The following TUBD1 variants were observed in gnomAD, a reference collection of about 807,000 sequenced individuals.
TUBD1 encodes the protein tubulin delta 1, also known as tubulin delta chain.
A neutral mutation model predicts 51.2 loss-of-function variants in TUBD1; 38 were observed. That is an observed-to-expected ratio of 0.74 (90% CI 0.57 to 0.97). The LOEUF (loss-of-function observed/expected upper bound fraction) is 0.97, where lower values mean the gene tolerates loss of function less well. Among genes scored for constraint, TUBD1 ranks in the 50% least tolerant of loss-of-function variants. The pLI is 0.00. For synonymous variants in TUBD1, 169 were observed against 178.2 expected (o/e 0.95, Z 0.41); for missense variants, 489 against 538.4 (o/e 0.91, Z 0.91).
intron 4 of TUBD1, among the ~76,000 whole-genome samples, 168 bp downstream of exon 4, chr17:59,880,726 G>A (rs2040446117): frequency 6.6e-6 from 1 of 151,834 alleles, no homozygotes. Flanking sequence ...ATGTTAGCCG[G>A]GATGGTCTCG....
At chr17:59,873,740 C>G (rs945099160) in intron 6 of TUBD1, among the ~76,000 whole-genome samples, 1 of 152,110 alleles carries the variant, frequency 6.6e-6, no homozygotes, top group Non-Finnish European at 1.5e-5. Context: ...TAGCACACGC[C>G]TGTAATCCCA....
At chr17:59,869,165 T>C (rs2039860258) in intron 6 of TUBD1, among the ~76,000 whole-genome samples, 1 of 151,862 alleles carries the variant, frequency 6.6e-6, no homozygotes, top group Non-Finnish European at 1.5e-5. Flanking sequence ...ATGTTCAAAC[T>C]ATACAACTGT....
chr17:59,878,014 T>C (rs1456385058), intron 5 of TUBD1, 89 bp downstream of exon 5: 2 of 1,007,942 alleles, frequency 2.0e-6, no homozygotes, highest in Non-Finnish European at 2.9e-6. Context: ...TAAGTGTATC[T>C]TCAGGCAGAG....
At chr17:59,862,783 G>T (rs1370064889) in intron 8 of TUBD1, among the ~76,000 whole-genome samples, 1 of 141,384 alleles carries the variant, frequency 7.1e-6, no homozygotes, top group Non-Finnish European at 1.5e-5. Context: ...GGAGTGCAGT[G>T]GCGCGATCTC....
At chr17:59,883,598 G>A (rs1243638228) in intron 3 of TUBD1, among the ~76,000 whole-genome samples, 1 of 151,920 alleles carries the variant, frequency 6.6e-6, no homozygotes, top group African/African-American at 2.4e-5. Flanking sequence ...TAGAGATGGG[G>A]TTTCATCATG....
Position 59,892,657 on chromosome 17 carries a change from C to T in TUBD1, c.-40+40G>A, listed in dbSNP as rs533594166. On this transcript the variant is annotated intron_variant, in intron 1 of 8. Transcript: ENST00000325752. ...GCAAAGCCAAAAGGTCCCCCGTTCC[C>T]CACGGGCCCCAGGAGTTCTCCACAC... 4.6e-3 allele frequency: 702 copies of T among 153,922 alleles called. 14 individuals are homozygous for T. The highest frequency in any genetic ancestry group is 0.044 in the South Asian group (230 of 5,202). The allele number at this position is 153,922 out of a possible 1,614,324, so 9.5% of individuals were successfully genotyped here.
rs1291162013 is a variant in TUBD1 at position 59,892,859 on chromosome 17, T to G, written c.-202A>C. On this transcript the variant is annotated 5_prime_UTR_variant, in exon 1 of 9. An upstream open reading frame in the 5' UTR loses its in-frame stop. Transcript: ENST00000325752. ...TATATTTTTTCCTATTCAGAAAGAT[T>G]AATTACGCATGTTCAATTTCAATTT... 6.5e-6 allele frequency: 2 copies of G among 308,982 alleles called. No individual in the cohort carries two copies. The highest frequency in any genetic ancestry group is 4.2e-5 in the African/African-American group (2 of 47,942). 19.1% of individuals were successfully genotyped at this position (308,982 alleles called of 1,614,324 possible).
chr17:59,890,400 C>T (rs943196448), intron 2 of TUBD1, among the ~76,000 whole-genome samples: 6 of 152,100 alleles, frequency 3.9e-5, no homozygotes, highest in South Asian at 2.1e-4. Flanking sequence ...CATGCCACCA[C>T]GCCCAGCTAA....
At position 59,891,019 on chromosome 17, in the gene TUBD1, G is replaced by A. The variant is rs1254013761; in HGVS notation, c.-17C>T. The stretch of plus-strand genomic sequence containing the variant: ...AATTGACATGCTGAGCCACAAACTA[G>A]GTGTATTACCTCTAAAAACAACCTG... On this transcript the variant is annotated 5_prime_UTR_variant, in exon 2 of 9. Coordinates refer to ENST00000325752, the MANE Select transcript of TUBD1 (RefSeq NM_016261.4). The A allele has an allele frequency of 1.2e-6, 2 of 1,601,642 alleles. No homozygotes were observed. The highest frequency in any genetic ancestry group is 2.7e-5 in the African/African-American group (2 of 74,460).
intron 8 of TUBD1, among the ~76,000 whole-genome samples, chr17:59,861,867 C>T (rs950679306): frequency 4.6e-5 from 7 of 151,402 alleles, no homozygotes; most frequent in Non-Finnish European, 1.0e-4. Context: ...GGGGTTTCAC[C>T]ATGTTGGCCA....
Position 59,880,915 on chromosome 17 carries a change from A to C in TUBD1, c.516T>G (p.Ile172Met), listed in dbSNP as rs199747050. 6.2e-7 allele frequency: 1 copy of C among 1,614,148 alleles called. No individual in the cohort carries two copies. The highest frequency in any genetic ancestry group is 2.2e-5 in the East Asian group (1 of 44,876). The change falls in exon 4 of 9, where the codon ATT becomes ATG. Residue 172 changes from isoleucine to methionine, a missense_variant. By Grantham distance (10) the Ile-to-Met change is conservative. Coordinates refer to ENST00000325752, the MANE Select transcript of TUBD1 (RefSeq NM_016261.4). ...ATACCTCACCAGTTCCATAAGGCCA[A>C]ATAATCTGATTCATTTTCAATGAGT... ...YSNSLKMNQI[I>M]WPYGTGEVIV...
intron 4 of TUBD1, chr17:59,878,624 C>A: frequency 3.5e-6 from 1 of 286,328 alleles, no homozygotes; most frequent in African/African-American, 2.2e-5. Flanking sequence ...GAATTACAGG[C>A]TTGTGCCACC....
chr17:59,870,372 CAAAAAAAAAAA>C (rs530315478), intron 6 of TUBD1, among the ~76,000 whole-genome samples: 16 of 77,962 alleles, frequency 2.1e-4, no homozygotes, highest in Admixed American at 7.7e-4. Context: ...CTCCATCTCA[CAAAAAAAAAAA>C]AAAAAAAAAA....
In TUBD1 at chr17:59,866,629, T is replaced by G; in HGVS notation, c.1055A>C (p.Asp352Ala). 6.2e-7 allele frequency: 1 copy of G among 1,614,000 alleles called. No individual in the cohort carries two copies. Among genetic ancestry groups the G allele is most frequent in the Non-Finnish European group, 8.5e-7 (1 of 1,179,990 alleles). The change falls in exon 7 of 9, where the codon GAT becomes GCT. Residue 352 changes from aspartate (D) to alanine (A), a missense_variant. By Grantham distance (126) the Asp-to-Ala change is moderately radical. Transcript: ENST00000325752. ...CTTACCCACATCTGCACTTTGCACA[T>G]CTTTCCCACGAAGAATGACCAAGTT... ...IANLVILRGK[D>A]VQSADVEGFK...
rs1256582700 is a variant in TUBD1, at chr17:59,868,993, C to T, written c.935-2244G>A. ...GATTGCGCCACTGCACTCCAGCCTACGTGACAGAGTGAAACCCCATCTCAA... is the reference window on the plus strand; with the variant it reads ...GATTGCGCCACTGCACTCCAGCCTATGTGACAGAGTGAAACCCCATCTCAA... On this transcript the variant is annotated intron_variant, in intron 6 of 8. Transcript: ENST00000325752. Among the ~76,000 whole-genome samples the T allele has an allele frequency of 3.3e-5, 5 of 150,310 alleles. 1 individual carries two copies. The highest frequency in any genetic ancestry group is 7.0e-3 in the Middle Eastern group (2 of 286).
chr17:59,873,681 G>A (rs891756329), intron 6 of TUBD1, among the ~76,000 whole-genome samples: 1 of 151,866 alleles, frequency 6.6e-6, no homozygotes, highest in Non-Finnish European at 1.5e-5. Context: ...TGGCCAATAT[G>A]GTGAAACCTC....
chr17:59,882,089 T>G (rs2040514554), intron 3 of TUBD1, among the ~76,000 whole-genome samples: 1 of 152,216 alleles, frequency 6.6e-6, no homozygotes, highest in African/African-American at 2.4e-5. Flanking sequence ...AACTTCTTTT[T>G]TTTTTTTAAA....
At position 59,866,606 on chromosome 17, in the gene TUBD1, T is replaced by C. The variant is rs769679026; in HGVS notation, c.1075+3A>G. 6.2e-7 allele frequency: 1 copy of C among 1,612,878 alleles called. No homozygotes were observed. ...AATCTTAATTTTCACCTGAATTTCTTACCCACATCTGCACTTTGCACATCT... is the reference window on the plus strand; with the variant it reads ...AATCTTAATTTTCACCTGAATTTCTCACCCACATCTGCACTTTGCACATCT... On this transcript the variant is annotated splice_donor_region_variant and intron_variant, in intron 7 of 8. Transcript: ENST00000325752.
chr17:59,880,486 A>G (rs983613354), intron 4 of TUBD1, among the ~76,000 whole-genome samples: 2 of 152,068 alleles, frequency 1.3e-5, no homozygotes, highest in African/African-American at 2.4e-5. Flanking sequence ...AACATTTCCA[A>G]TGAAAGGGTG....
Sources: allele counts gnomAD v4.1 joint callset (sites outside exome capture counted in the v4.1 genomes callset), GRCh38; gene constraint gnomAD v4.1.1; transcripts MANE v1.5; gene names NCBI Gene and HGNC (gene_info 2026-07-23, HGNC 2026-07-21).